Variants in ARMC10 observed in about 807,000 individuals in gnomAD.
ARMC10 encodes armadillo repeat-containing protein 10.
Under a neutral mutation model 30.2 loss-of-function variants are expected in ARMC10, and 23 were observed. That is an observed-to-expected ratio of 0.76 (90% CI 0.55 to 1.08). The LOEUF is 1.08. Among genes scored for constraint, ARMC10 ranks in the 50% least tolerant of loss-of-function variants. The pLI, the probability that ARMC10 is intolerant of heterozygous loss-of-function variation, is 0.00. For missense variants in ARMC10, 303 were observed against 413.7 expected, an observed-to-expected ratio of 0.73 and a Z score of 2.32; for synonymous variants, 111 against 164.4, an observed-to-expected ratio of 0.68 and a Z score of 2.48.
At chr7:103,079,298 T>C (rs1473340384) in intron 2 of ARMC10, among the ~76,000 whole-genome samples, 2 of 151,936 alleles carry the variant, frequency 1.3e-5, no homozygotes, top group Non-Finnish European at 2.9e-5. Context: ...TAAAAAGGCA[T>C]TAAAATATTT....
chr7:103,087,579 T>C (rs1370286819), intron 4 of ARMC10, among the ~76,000 whole-genome samples: 1 of 152,204 alleles, frequency 6.6e-6, no homozygotes, highest in African/African-American at 2.4e-5. Context: ...AGGACTCCCA[T>C]GTTCAAACTA....
chr7:103,092,194 G>C (rs1399069977), intron 4 of ARMC10, among the ~76,000 whole-genome samples: 1 of 152,036 alleles, frequency 6.6e-6, no homozygotes, highest in East Asian at 1.9e-4. Context: ...TTAGCCGGGC[G>C]TGGTGGCGGG....
At chr7:103,097,766 C>G (rs1440976550) in intron 6 of ARMC10, among the ~76,000 whole-genome samples, 1 of 152,110 alleles carries the variant, frequency 6.6e-6, no homozygotes, top group Non-Finnish European at 1.5e-5. Flanking sequence ...AGCTTACAGT[C>G]TAGTGGAGAG....
intron 3 of ARMC10, among the ~76,000 whole-genome samples, chr7:103,086,029 C>T (rs1276789305): frequency 1.3e-5 from 2 of 152,110 alleles, no homozygotes; most frequent in African/African-American, 4.8e-5. Flanking sequence ...CATAGACATA[C>T]TATCGTCAAC....
chr7:103,088,393 A>T (rs961587346), intron 4 of ARMC10, among the ~76,000 whole-genome samples: 9 of 152,170 alleles, frequency 5.9e-5, no homozygotes, highest in Non-Finnish European at 1.3e-4. Flanking sequence ...ATCAAGTATC[A>T]GTTAAGAATT....
intron 5 of ARMC10, among the ~76,000 whole-genome samples, chr7:103,093,959 G>C (rs927581481): frequency 2.6e-5 from 4 of 152,254 alleles, no homozygotes; most frequent in Middle Eastern, 3.4e-3. Flanking sequence ...AGTATTTCTA[G>C]GATAGAAAAT....
chr7:103,090,883 A>C (rs1801258022), intron 4 of ARMC10, among the ~76,000 whole-genome samples: 1 of 152,200 alleles, frequency 6.6e-6, no homozygotes, highest in Non-Finnish European at 1.5e-5. Context: ...CCCTGTCTCT[A>C]AAAATAAATG....
In ARMC10 at chr7:103,075,212, G is replaced by C; in HGVS notation, c.-61G>C. On this transcript the variant is annotated 5_prime_UTR_variant, in exon 1 of 7. Transcript: ENST00000323716. ...AGGCCCGCGTGCGCTGGAGACCTCC[G>C]CGCTGGCCCCCGCGAGCCTCCTGCC... is the stretch of plus-strand genomic sequence containing the variant. The C allele has an allele frequency of 8.9e-7, 1 of 1,118,348 alleles. No homozygotes were observed. The highest frequency in any genetic ancestry group is 1.1e-6 in the Non-Finnish European group (1 of 914,218). 69.3% of individuals were successfully genotyped at this position (1,118,348 alleles called of 1,614,324 possible). A position where few individuals can be genotyped will look rare whatever the true frequency, so the allele number is the denominator to read the frequency against.
intron 2 of ARMC10, among the ~76,000 whole-genome samples, chr7:103,082,543 G>A (rs1405436550): frequency 2.0e-5 from 3 of 151,614 alleles, no homozygotes; most frequent in Non-Finnish European, 4.4e-5. Flanking sequence ...ATTATGTTGT[G>A]CAGACTGGTC....
chr7:103,093,607 G>A (rs1236585651), intron 5 of ARMC10, among the ~76,000 whole-genome samples: 1 of 152,178 alleles, frequency 6.6e-6, no homozygotes, highest in Non-Finnish European at 1.5e-5. Context: ...AGTTTCCAAC[G>A]TGCATCAGCA....
rs1197371211 is a variant in ARMC10 at position 103,075,178 on chromosome 7, G to T, written c.-95G>T. On this transcript the variant is annotated 5_prime_UTR_variant, in exon 1 of 7. Coordinates refer to ENST00000323716, the MANE Select transcript of ARMC10 (RefSeq NM_031905.5). ...ACATCCAGGTCAGGTGGCGTTTGCT[G>T]TGGCGGCTAGGCCCGCGTGCGCTGG... 1.1e-6 allele frequency: 1 copy of T among 924,204 alleles called. No individual in the cohort carries two copies. The highest frequency in any genetic ancestry group is 6.2e-5 in the East Asian group (1 of 16,050). The allele number at this position is 924,204 out of a possible 1,614,324, so 57.3% of individuals were successfully genotyped here.
intron 4 of ARMC10, among the ~76,000 whole-genome samples, chr7:103,092,193 C>T (rs1005526380): frequency 8.6e-5 from 13 of 151,838 alleles, no homozygotes; most frequent in East Asian, 3.9e-4. Flanking sequence ...ATTAGCCGGG[C>T]GTGGTGGCGG....
chr7:103,097,946 G>A (rs1801896586), intron 6 of ARMC10, among the ~76,000 whole-genome samples: 1 of 152,150 alleles, frequency 6.6e-6, no homozygotes, highest in Non-Finnish European at 1.5e-5. Flanking sequence ...CTAAATGTTT[G>A]ATGAAAAAAT....
At chr7:103,080,206 A>G (rs1763750668) in intron 2 of ARMC10, among the ~76,000 whole-genome samples, 1 of 152,208 alleles carries the variant, frequency 6.6e-6, no homozygotes, top group Non-Finnish European at 1.5e-5. Context: ...TAAAATTTTT[A>G]GAGTTTTAAG....
intron 3 of ARMC10, among the ~76,000 whole-genome samples, chr7:103,085,606 CTTTTT>C (rs10581217): frequency 3.1e-5 from 4 of 130,578 alleles, no homozygotes; most frequent in African/African-American, 8.5e-5. Flanking sequence ...CATTTCTCTT[CTTTTT>C]TTTTTTTTTT....
rs944092719 is a variant in ARMC10, at chr7:103,079,795, A to T, written c.245-3887A>T. ...ACAGAATGAGACCCTGTTTCAAAAA[A>T]TATATATCATTCATGATAGCTATAA... On this transcript the variant is annotated intron_variant, in intron 2 of 6. Coordinates refer to ENST00000323716, the MANE Select transcript of ARMC10 (RefSeq NM_031905.5). 1.1e-4 allele frequency among the ~76,000 whole-genome samples: 16 copies of T among 152,252 alleles called. 1 individual carries two copies. The highest frequency in any genetic ancestry group is 7.8e-4 in the Admixed American group (12 of 15,288).
intron 2 of ARMC10, among the ~76,000 whole-genome samples, chr7:103,080,674 C>A (rs1412163770): frequency 6.6e-6 from 1 of 152,030 alleles, no homozygotes; most frequent in Non-Finnish European, 1.5e-5. Context: ...GTTGCCCAGG[C>A]TGGAGTGCAG....
At chr7:103,077,070 A>G (rs1187552232) in intron 2 of ARMC10, among the ~76,000 whole-genome samples, 3 of 151,868 alleles carry the variant, frequency 2.0e-5, no homozygotes, top group Admixed American at 1.3e-4. Flanking sequence ...AATTTTTCCA[A>G]TTTTTTAGGA....
At chr7:103,090,003 A>G (rs1055688530) in intron 4 of ARMC10, among the ~76,000 whole-genome samples, 2 of 152,228 alleles carry the variant, frequency 1.3e-5, no homozygotes. Flanking sequence ...GATTGAGTAC[A>G]TAGAAAGGAG....
Sources: allele counts gnomAD v4.1 joint callset (sites outside exome capture counted in the v4.1 genomes callset), GRCh38; gene constraint gnomAD v4.1.1; transcripts MANE v1.5; gene names NCBI Gene and HGNC (gene_info 2026-07-23, HGNC 2026-07-21).